The following RYK variants were observed in gnomAD, a reference collection of about 807,000 sequenced individuals.
The protein encoded by RYK is inactive tyrosine-protein kinase RYK.
A neutral mutation model predicts 70.2 loss-of-function variants in RYK; 21 were observed. That is an observed-to-expected ratio of 0.30 (90% confidence interval 0.21 to 0.43). RYK has a LOEUF of 0.43. RYK is among the 20% of genes least tolerant of loss of function. The pLI is 1.00. For synonymous variants in RYK, 267 were observed against 278.0 expected (o/e 0.96, Z 0.39); for missense variants, 604 against 753.3 (o/e 0.80, Z 2.32).
chr3:134,169,326 C>T (rs761348491), intron 13 of RYK, among the ~76,000 whole-genome samples: 9 of 152,048 alleles, frequency 5.9e-5, no homozygotes, highest in Non-Finnish European at 1.2e-4. Flanking sequence ...AGCAGAATTA[C>T]GTTAGCTACT....
chr3:134,191,960 G>A lies in RYK; in HGVS notation c.904C>T (p.Arg302Trp), dbSNP rs1001726536. 31 of 1,612,380 alleles carry A rather than the reference G, an allele frequency of 1.9e-5. No homozygotes were observed. The highest frequency in any genetic ancestry group is 4.4e-5 in the South Asian group (4 of 90,764). The change falls in exon 8 of 15, where the codon CGG (arginine) becomes TGG (tryptophan). Residue 302 changes from arginine (R) to tryptophan (W), a missense_variant. Transcript: ENST00000623711. ...CTTCTCAAGTCGTTCTTCTCTATCC[G>A]CAAGGTAGGATAACCTAAGGAGCCA... ...ATPITSYPTL[R>W]IEKNDLRSVT...
chr3:134,249,828 T>C lies in RYK; in HGVS notation c.232+595A>G, dbSNP rs531294771. ...TCATTCACTAAAAATATGCTTAGAA[T>C]CTAAGCATATGCTCCAAATCTACGT... On this transcript the variant is annotated intron_variant, in intron 1 of 14. Transcript: ENST00000623711. Among the ~76,000 whole-genome samples the C allele has an allele frequency of 2.0e-5, 3 of 151,466 alleles. No homozygotes were observed. In the South Asian group the frequency reaches 6.3e-4, roughly 32 times the overall value.
In RYK at chr3:134,202,859, G is replaced by C; in HGVS notation, c.659C>G (p.Ala220Gly). 6.2e-7 allele frequency: 1 copy of C among 1,613,182 alleles called. No homozygotes were observed. Among genetic ancestry groups the C allele is most frequent in the Non-Finnish European group, 8.5e-7 (1 of 1,179,664 alleles). Residue 220 changes from alanine to glycine, a missense_variant, in exon 6 of 15, where the codon GCA (alanine) becomes GGA (glycine). Ala to Gly is a moderately conservative substitution (Grantham distance 60). This residue lies in a region of RYK where 466 missense variants were observed against 535.9 expected (regional missense o/e 0.87). Transcript: ENST00000623711. ...CACACGCGTAGAAGTGGTTGGAGCT[G>C]CATGTACAGGATCATCTGAAATAAA... ...TSRTIYDPVH[A>G]APTTSTRVFY...
intron 11 of RYK, among the ~76,000 whole-genome samples, chr3:134,176,866 C>T (rs143131048): frequency 2.0e-4 from 30 of 151,876 alleles, no homozygotes; most frequent in East Asian, 1.4e-3. Context: ...CTGGCTACCA[C>T]GGTGAAACCC....
At chr3:134,218,647 T>C (rs1427514788) in intron 2 of RYK, among the ~76,000 whole-genome samples, 1 of 152,118 alleles carries the variant, frequency 6.6e-6, no homozygotes. Flanking sequence ...ACTGGCTAGA[T>C]AGGAGGCAGA....
chr3:134,215,990 C>T (rs564886281), intron 2 of RYK, among the ~76,000 whole-genome samples: 23 of 147,070 alleles, frequency 1.6e-4, no homozygotes, highest in Non-Finnish European at 7.4e-5. Context: ...GAGCCAAGAT[C>T]GCACCACTGC....
intron 9 of RYK, among the ~76,000 whole-genome samples, chr3:134,187,048 A>AT (rs2013488210): frequency 6.6e-6 from 1 of 152,324 alleles, no homozygotes; most frequent in African/African-American, 2.4e-5. Flanking sequence ...GACCTAACAC[A>AT]TAAATATTAC....
chr3:134,232,831 TATTA>T (rs1379541586), intron 1 of RYK, among the ~76,000 whole-genome samples: 10 of 152,232 alleles, frequency 6.6e-5, no homozygotes, highest in Admixed American at 6.5e-4. Flanking sequence ...TGGGTTCACA[TATTA>T]ATTTTCCTAG....
At chr3:134,166,246 G>A (rs1480713452) in intron 13 of RYK, among the ~76,000 whole-genome samples, 1 of 152,136 alleles carries the variant, frequency 6.6e-6, no homozygotes, top group African/African-American at 2.4e-5. Context: ...GACCACCAGA[G>A]AGCTCCCTCA....
intron 5 of RYK, 102 bp from the exon 6 acceptor site, chr3:134,202,976 T>C: frequency 1.1e-6 from 1 of 893,560 alleles, no homozygotes; most frequent in South Asian, 1.8e-5. Flanking sequence ...ATGTGCCCAT[T>C]CTTTGTAAGA....
At chr3:134,201,675 A>C (rs2107674454) in intron 6 of RYK, among the ~76,000 whole-genome samples, 2 of 152,312 alleles carry the variant, frequency 1.3e-5, no homozygotes, top group South Asian at 4.2e-4. Context: ...GGAAGAAGAA[A>C]GCATGAACAA....
chr3:134,236,810 A>T (rs1452755384), intron 1 of RYK, among the ~76,000 whole-genome samples: 1 of 152,128 alleles, frequency 6.6e-6, no homozygotes, highest in African/African-American at 2.4e-5. Flanking sequence ...CCAAGAGACA[A>T]GGGGGCTGTG....
intron 1 of RYK, among the ~76,000 whole-genome samples, chr3:134,242,634 T>A (rs577469895): frequency 6.6e-6 from 1 of 152,314 alleles, no homozygotes; most frequent in South Asian, 2.1e-4. Context: ...TTTCAGAACA[T>A]TGGCGTAACT....
chr3:134,168,866 T>C (rs1181524375), intron 13 of RYK, among the ~76,000 whole-genome samples: 1 of 152,178 alleles, frequency 6.6e-6, no homozygotes, highest in Admixed American at 6.5e-5. Flanking sequence ...TCCATGGGTA[T>C]ATAATAAATG....
At chr3:134,240,265 G>A (rs1227447183) in intron 1 of RYK, among the ~76,000 whole-genome samples, 1 of 152,090 alleles carries the variant, frequency 6.6e-6, no homozygotes, top group Non-Finnish European at 1.5e-5. Context: ...AGGAGAGTGA[G>A]GGCAAATGAG....
chr3:134,217,744 G>T (rs2014604789), intron 2 of RYK, among the ~76,000 whole-genome samples: 1 of 152,182 alleles, frequency 6.6e-6, no homozygotes, highest in Admixed American at 6.5e-5. Context: ...CAGGCAAGGG[G>T]AACTAAGTGG....
intron 7 of RYK, among the ~76,000 whole-genome samples, 161 bp downstream of exon 7, chr3:134,194,921 T>C (rs1334352206): frequency 6.6e-6 from 1 of 152,218 alleles, no homozygotes. Context: ...AATGTTTCAT[T>C]CAATGCTCTA....
intron 13 of RYK, 38 bp from the exon 14 acceptor site, chr3:134,159,411 A>C: frequency 6.5e-7 from 1 of 1,546,490 alleles, no homozygotes; most frequent in South Asian, 1.3e-5. Context: ...GGGACATTTA[A>C]AACAACAGTC....
At chr3:134,207,202 T>C (rs766723353) in intron 5 of RYK, among the ~76,000 whole-genome samples, 1 of 152,220 alleles carries the variant, frequency 6.6e-6, no homozygotes, top group Admixed American at 6.5e-5. Context: ...ATACTTTAAT[T>C]ATGACTACTC....
Sources: allele counts gnomAD v4.1 joint callset (sites outside exome capture counted in the v4.1 genomes callset), GRCh38; gene constraint gnomAD v4.1.1; regional missense constraint gnomAD v4.1.1; transcripts MANE v1.5; gene names NCBI Gene and HGNC (gene_info 2026-07-23, HGNC 2026-07-21).